The following ERC1 variants were observed in gnomAD, a reference collection of about 807,000 sequenced individuals.
The protein encoded by ERC1 is RAB6 interacting protein 2.
Under a neutral mutation model 132.0 loss-of-function variants are expected in ERC1, and 56 were observed. The observed-to-expected ratio is 0.42, with a 90% CI of 0.34 to 0.53. The LOEUF (loss-of-function observed/expected upper bound fraction) is 0.53. Ranked by LOEUF, ERC1 falls within the 20% of genes least tolerant of loss-of-function variation. The probability of loss-of-function intolerance (pLI) is 0.03; values close to 1 mark genes in which losing one functional copy is unlikely to be tolerated. For synonymous variants in ERC1, 478 were observed against 476.1 expected (o/e 1.00, Z -0.05); for missense variants, 1,202 against 1,349.9 (o/e 0.89, Z 1.72).
At chr12:1,174,923 A>G (rs1338375850) in intron 8 of ERC1, among the ~76,000 whole-genome samples, 3 of 152,216 alleles carry the variant, frequency 2.0e-5, no homozygotes, top group Non-Finnish European at 4.4e-5. Flanking sequence ...TACCTCGGAG[A>G]TATTGCAGAT....
intron 14 of ERC1, among the ~76,000 whole-genome samples, chr12:1,270,875 G>A (rs2077797354): frequency 1.3e-5 from 2 of 151,960 alleles, no homozygotes; most frequent in African/African-American, 4.8e-5. Context: ...ATTCTAAGGA[G>A]AAGTAGAATG....
chr12:1,201,340 G>A (rs918840027), intron 12 of ERC1, among the ~76,000 whole-genome samples: 3 of 152,118 alleles, frequency 2.0e-5, no homozygotes, highest in African/African-American at 4.8e-5. Context: ...GTGAATTGAT[G>A]TTAAGAATGC....
chr12:1,282,979 CA>C (rs2078787657), intron 14 of ERC1, among the ~76,000 whole-genome samples: 1 of 152,126 alleles, frequency 6.6e-6, no homozygotes, highest in Non-Finnish European at 1.5e-5. Flanking sequence ...TTGGAAACTA[CA>C]AAAAGTGTTT....
At chr12:1,370,551 A>C (rs1334767842) in intron 15 of ERC1, among the ~76,000 whole-genome samples, 1 of 152,264 alleles carries the variant, frequency 6.6e-6, no homozygotes, top group African/African-American at 2.4e-5. Context: ...TGGAAGCTAC[A>C]GAATAATTAT....
At chr12:1,397,888 A>G (rs1390899191) in intron 16 of ERC1, among the ~76,000 whole-genome samples, 1 of 141,790 alleles carries the variant, frequency 7.1e-6, no homozygotes, top group Non-Finnish European at 1.6e-5. Flanking sequence ...TATATATTAA[A>G]TTGTTGACAT....
At chr12:1,400,042 C>T (rs1039166526) in intron 16 of ERC1, among the ~76,000 whole-genome samples, 8 of 147,292 alleles carry the variant, frequency 5.4e-5, no homozygotes, top group East Asian at 1.9e-4. Flanking sequence ...CTCACCAACA[C>T]TTGTTATTGA....
chr12:1,262,573 A>T (rs1271580082), intron 13 of ERC1, among the ~76,000 whole-genome samples: 1 of 152,242 alleles, frequency 6.6e-6, no homozygotes, highest in African/African-American at 2.4e-5. Context: ...ACAATTGTCT[A>T]TGAAGAATAT....
chr12:1,053,642 T>C (rs769657811), intron 2 of ERC1, among the ~76,000 whole-genome samples: 6 of 152,226 alleles, frequency 3.9e-5, no homozygotes, highest in Non-Finnish European at 8.8e-5. Context: ...TTATTTTCTA[T>C]TTAGTCTTTC....
chr12:1,214,641 CATAA>C (rs975087534), intron 12 of ERC1, among the ~76,000 whole-genome samples: 1 of 146,822 alleles, frequency 6.8e-6, no homozygotes. Context: ...ACATATAAAA[CATAA>C]ATATGCGTGT....
At chr12:1,109,456 T>TCC (rs1294087672) in intron 4 of ERC1, among the ~76,000 whole-genome samples, 1 of 152,276 alleles carries the variant, frequency 6.6e-6, no homozygotes, top group South Asian at 2.1e-4. Flanking sequence ...CTTACTTTTT[T>TCC]CCCCTCCTTT....
At chr12:1,473,138 G>C (rs893812093) in intron 18 of ERC1, among the ~76,000 whole-genome samples, 1 of 152,136 alleles carries the variant, frequency 6.6e-6, no homozygotes, top group African/African-American at 2.4e-5. Flanking sequence ...CAGTTCTCCT[G>C]CCTCAGCTTC....
At chr12:1,308,406 A>G (rs73032715) in intron 15 of ERC1, among the ~76,000 whole-genome samples, 5,365 of 152,290 alleles carry the variant, frequency 0.035, 103 homozygotes, top group Middle Eastern at 0.068. Flanking sequence ...GTTGTTCTGC[A>G]TGCATAAATT....
At chr12:1,352,818 T>G (rs2085137651) in intron 15 of ERC1, among the ~76,000 whole-genome samples, 1 of 152,178 alleles carries the variant, frequency 6.6e-6, no homozygotes, top group African/African-American at 2.4e-5. Context: ...TTTTGTTTCT[T>G]TCAAAGTACA....
intron 7 of ERC1, among the ~76,000 whole-genome samples, chr12:1,134,523 A>AT (rs892276276): frequency 3.3e-5 from 5 of 150,930 alleles, no homozygotes; most frequent in African/African-American, 1.2e-4. Flanking sequence ...ATTAAAAAAA[A>AT]TTTTTTTTTG....
intron 15 of ERC1, among the ~76,000 whole-genome samples, chr12:1,350,469 T>C (rs2084900427): frequency 6.6e-6 from 1 of 152,344 alleles, no homozygotes; most frequent in Non-Finnish European, 1.5e-5. Flanking sequence ...CTGGCTGTAC[T>C]GACCCAAGCC....
At chr12:995,709 A>G (rs915595473) in intron 1 of ERC1, among the ~76,000 whole-genome samples, 2 of 152,194 alleles carry the variant, frequency 1.3e-5, no homozygotes, top group African/African-American at 4.8e-5. Context: ...TTCATTCATA[A>G]GTTACTTAGT....
intron 18 of ERC1, among the ~76,000 whole-genome samples, chr12:1,472,537 C>A (rs1468760546): frequency 6.6e-6 from 1 of 151,852 alleles, no homozygotes; most frequent in South Asian, 2.1e-4. Context: ...GTAGTCCCAG[C>A]CACTCGGGAA....
intron 16 of ERC1, among the ~76,000 whole-genome samples, chr12:1,403,298 G>C (rs1435139474): frequency 6.6e-6 from 1 of 152,024 alleles, no homozygotes; most frequent in Non-Finnish European, 1.5e-5. Flanking sequence ...CACCTGGCAC[G>C]GTTCAAGAGG....
intron 1 of ERC1, among the ~76,000 whole-genome samples, chr12:1,010,071 C>G (rs149299539): frequency 3.9e-5 from 6 of 152,256 alleles, no homozygotes; most frequent in Non-Finnish European, 5.9e-5. Context: ...GTCTGTAATT[C>G]TACCTTAGTG....
Sources: allele counts gnomAD v4.1 joint callset (sites outside exome capture counted in the v4.1 genomes callset), GRCh38; gene constraint gnomAD v4.1.1; transcripts MANE v1.5; gene names NCBI Gene and HGNC (gene_info 2026-07-23, HGNC 2026-07-21).